DLGAP2: variants seen among roughly 807,000 people sequenced by gnomAD.
DLGAP2 encodes disks large-associated protein 2.
In DLGAP2, 26 loss-of-function variants were observed where a neutral mutation model predicts 100.3. That is an observed-to-expected ratio of 0.26 (90% CI 0.19 to 0.36). The LOEUF is 0.36. Ranked by LOEUF, DLGAP2 falls within the 10% of genes least tolerant of loss-of-function variation. The pLI is 1.00. For synonymous variants in DLGAP2, 886 were observed against 630.1 expected, an observed-to-expected ratio of 1.41 and a Z score of -6.08; for missense variants, 1,858 against 1,453.2, an observed-to-expected ratio of 1.28 and a Z score of -4.53.
At chr8:1,495,659 T>C (rs908882416) in intron 3 of DLGAP2, among the ~76,000 whole-genome samples, 1 of 152,116 alleles carries the variant, frequency 6.6e-6, no homozygotes, top group African/African-American at 2.4e-5. Context: ...TCTGTGGTTG[T>C]GCTGACGTGG....
chr8:1,078,668 T>G (rs1456670648), intron 2 of DLGAP2, among the ~76,000 whole-genome samples: 1 of 151,680 alleles, frequency 6.6e-6, no homozygotes, highest in Admixed American at 6.5e-5. Flanking sequence ...GTATGTAACC[T>G]TTTCAGATGG....
At chr8:1,303,089 A>G (rs550518272) in intron 3 of DLGAP2, among the ~76,000 whole-genome samples, 1 of 152,308 alleles carries the variant, frequency 6.6e-6, no homozygotes, top group Non-Finnish European at 1.5e-5. Context: ...GGAAGAGGAA[A>G]AAGCCAATGA....
At chr8:1,256,524 C>T (rs1015253571) in intron 2 of DLGAP2, among the ~76,000 whole-genome samples, 5 of 120,044 alleles carry the variant, frequency 4.2e-5, no homozygotes, top group South Asian at 2.8e-4. Flanking sequence ...TGTGTGTGCC[C>T]GTCTCATCCT....
chr8:1,317,266 C>T (rs1332786108), intron 3 of DLGAP2, among the ~76,000 whole-genome samples: 1 of 140,908 alleles, frequency 7.1e-6, no homozygotes, highest in African/African-American at 2.8e-5. Context: ...TGCAGCGTCT[C>T]TCCAACAGTG....
chr8:1,004,664 A>G (rs1801054570), intron 2 of DLGAP2, among the ~76,000 whole-genome samples: 1 of 152,116 alleles, frequency 6.6e-6, no homozygotes, highest in South Asian at 2.1e-4. Context: ...GTGGTTACCA[A>G]CTTAATTTCA....
At chr8:1,430,599 G>C (rs1470663977) in intron 3 of DLGAP2, among the ~76,000 whole-genome samples, 1 of 152,220 alleles carries the variant, frequency 6.6e-6, no homozygotes, top group Non-Finnish European at 1.5e-5. Context: ...ATGAAGATCA[G>C]ACCATGGATC....
In DLGAP2 at chr8:1,627,397, C is replaced by T. The variant is rs371106285; in HGVS notation, c.1590+510C>T. On this transcript the variant is annotated intron_variant, in intron 7 of 14. Transcript: ENST00000637795. ...CCAGGAGAAGGGTCCCTGGGCACCA[C>T]GGGAGGGGTGGTATTAAAATCAGGT... Among the ~76,000 whole-genome samples the T allele has an allele frequency of 9.2e-5, 14 of 152,202 alleles. 1 individual carries two copies. The highest frequency in any genetic ancestry group is 5.9e-4 in the Admixed American group (9 of 15,302).
intron 3 of DLGAP2, among the ~76,000 whole-genome samples, chr8:1,471,958 T>C (rs1175395237): frequency 1.3e-5 from 2 of 152,254 alleles, no homozygotes. Flanking sequence ...CATTAAATCG[T>C]TCTTTAATCC....
At chr8:1,697,660 A>G (rs1480518387) in intron 14 of DLGAP2, among the ~76,000 whole-genome samples, 3 of 152,194 alleles carry the variant, frequency 2.0e-5, no homozygotes, top group Non-Finnish European at 4.4e-5. Flanking sequence ...ACTTGTTCTC[A>G]TTGTGTAAAT....
At chr8:1,444,037 T>A (rs1025801970) in intron 3 of DLGAP2, among the ~76,000 whole-genome samples, 1 of 152,210 alleles carries the variant, frequency 6.6e-6, no homozygotes, top group Non-Finnish European at 1.5e-5. Flanking sequence ...ATTGTACTCA[T>A]GCTGAATATG....
Position 1,581,920 on chromosome 8 carries a change from ATC to A in DLGAP2, c.1442+16028_1442+16029del, listed in dbSNP as rs1803283465. Among the ~76,000 whole-genome samples, 31 of 151,338 alleles carry A rather than the reference ATC, an allele frequency of 2.0e-4. No homozygotes were observed. In the South Asian group the frequency reaches 5.1e-3, roughly 25 times the overall value. ...GAAGGATACAGACAAAACACCACAC[ATC>A]TACACACCACAGTCAAACTACCAGA... On this transcript the variant is annotated intron_variant, in intron 6 of 14. Transcript: ENST00000637795.
Position 790,300 on chromosome 8 carries a change from G to T in DLGAP2, c.18+52475G>T, listed in dbSNP as rs1259276304. Among the ~76,000 whole-genome samples, 3 of 152,212 alleles carry T rather than the reference G, an allele frequency of 2.0e-5. No individual in the cohort carries two copies. In the South Asian group the frequency reaches 6.2e-4, roughly 31 times the overall value. ...TAATAGAAGGGTTTGCCTGGGCTGT[G>T]CAGGGTGCAGAGACAGGTGAAGCTG... On this transcript the variant is annotated intron_variant, in intron 1 of 14. Coordinates refer to ENST00000637795, the MANE Select transcript of DLGAP2 (RefSeq NM_001346810.2).
chr8:746,901 G>T (rs1399579229), intron 1 of DLGAP2, among the ~76,000 whole-genome samples: 2 of 152,206 alleles, frequency 1.3e-5, no homozygotes, highest in African/African-American at 4.8e-5. Context: ...CGGTGCCCCT[G>T]TTAGGGTGAT....
At position 1,036,693 on chromosome 8, in the gene DLGAP2, G is replaced by A. The variant is rs1369914774; in HGVS notation, c.73+128727G>A. Among the ~76,000 whole-genome samples the A allele has an allele frequency of 2.6e-5, 4 of 152,112 alleles. No individual in the cohort carries two copies. The South Asian group carries it at 8.3e-4, about 32-fold the overall frequency. On this transcript the variant is annotated intron_variant, in intron 2 of 14. Transcript: ENST00000637795. Reference sequence around the variant, plus strand: ...CTAGAGAGCAGCTGTCGTGTACATGGCAGGGAGGGTGCTGGCTCCGGCTCA... The same window carrying A: ...CTAGAGAGCAGCTGTCGTGTACATGACAGGGAGGGTGCTGGCTCCGGCTCA...
intron 3 of DLGAP2, among the ~76,000 whole-genome samples, chr8:1,418,513 T>C (rs1157018586): frequency 6.6e-6 from 1 of 152,214 alleles, no homozygotes; most frequent in Non-Finnish European, 1.5e-5. Context: ...GATTTATGTC[T>C]CTACTTTCAC....
intron 4 of DLGAP2, among the ~76,000 whole-genome samples, chr8:1,513,300 T>G (rs949763075): frequency 6.9e-6 from 1 of 144,222 alleles, no homozygotes; most frequent in Non-Finnish European, 1.5e-5. Context: ...AGCGTCTGCC[T>G]TTCCCAGTGC....
chr8:940,170 G>C (rs911891820), intron 2 of DLGAP2, among the ~76,000 whole-genome samples: 2 of 152,034 alleles, frequency 1.3e-5, no homozygotes, highest in South Asian at 2.1e-4. Context: ...GTTTTACTAC[G>C]TATTTGATGA....
intron 3 of DLGAP2, among the ~76,000 whole-genome samples, chr8:1,408,842 A>G (rs1796648459): frequency 6.6e-6 from 1 of 152,014 alleles, no homozygotes; most frequent in Admixed American, 6.5e-5. Context: ...GTCATTTAAC[A>G]TTAAGGTGCG....
At chr8:1,272,773 A>C (rs1799609024) in intron 3 of DLGAP2, among the ~76,000 whole-genome samples, 2 of 152,128 alleles carry the variant, frequency 1.3e-5, no homozygotes, top group Admixed American at 1.3e-4. Flanking sequence ...CCCATCATGC[A>C]ACAGACGGCT....
Sources: allele counts gnomAD v4.1 joint callset (sites outside exome capture counted in the v4.1 genomes callset), GRCh38; gene constraint gnomAD v4.1.1; transcripts MANE v1.5; gene names NCBI Gene and HGNC (gene_info 2026-07-23, HGNC 2026-07-21).